UNC93A: variants seen among roughly 807,000 people sequenced by gnomAD.
UNC93A encodes N-acetylglucosamine transporter UNC93A.
UNC93A carries 43 observed loss-of-function variants against 47.5 expected under a neutral mutation model. The ratio of observed to expected loss-of-function variants is 0.91; its 90% CI spans 0.71 to 1.17. The LOEUF (loss-of-function observed/expected upper bound fraction) is 1.17, where lower values mean the gene tolerates loss of function less well. Ranked by LOEUF, UNC93A falls within the 50% of genes most tolerant of loss-of-function variation. UNC93A has a pLI of 0.00. For missense variants in UNC93A, 605 were observed against 577.6 expected (o/e 1.05, Z -0.49); for synonymous variants, 280 against 258.0 (o/e 1.09, Z -0.82).
At chr6:167,297,908 C>T (rs779061965) in intron 3 of UNC93A, 37 bp from the exon 4 acceptor site, 44 of 1,605,384 alleles carry the variant, frequency 2.7e-5, no homozygotes, top group South Asian at 1.1e-4. Flanking sequence ...TCACATTTGC[C>T]GTCATCTCAT....
intron 2 of UNC93A, among the ~76,000 whole-genome samples, chr6:167,295,328 C>T (rs758336905): frequency 9.9e-5 from 15 of 152,254 alleles, no homozygotes; most frequent in Non-Finnish European, 2.1e-4. Flanking sequence ...TGGCATGCCG[C>T]CGCTGAGGCC....
chr6:167,287,684 GGT>G (rs56769110), upstream of UNC93A, among the ~76,000 whole-genome samples: 263 of 150,694 alleles, frequency 1.7e-3, 2 homozygotes, highest in African/African-American at 6.2e-3. Context: ...AAATAAAAAG[GGT>G]GTGTGTGTGT....
upstream of UNC93A, among the ~76,000 whole-genome samples, chr6:167,286,381 A>T (rs2115096558): frequency 2.0e-5 from 3 of 152,370 alleles, no homozygotes; most frequent in Middle Eastern, 0.01. Context: ...ACCACTGAAA[A>T]GAGGCGGTCA....
intron 7 of UNC93A, among the ~76,000 whole-genome samples, 199 bp downstream of exon 7, chr6:167,308,109 A>G (rs1178556909): frequency 6.6e-6 from 1 of 152,176 alleles, no homozygotes; most frequent in Non-Finnish European, 1.5e-5. Flanking sequence ...TCATGATGCA[A>G]AACTGGAAAA....
chr6:167,299,294 C>T (rs182083950), intron 4 of UNC93A, among the ~76,000 whole-genome samples: 2 of 151,914 alleles, frequency 1.3e-5, no homozygotes, highest in African/African-American at 4.8e-5. Context: ...AAAGGCCTGG[C>T]ACCTGTGAGC....
chr6:167,300,561 C>A (rs1457407386), intron 4 of UNC93A, among the ~76,000 whole-genome samples: 1 of 152,130 alleles, frequency 6.6e-6, no homozygotes, highest in East Asian at 1.9e-4. Flanking sequence ...AAGGCCCAGA[C>A]TGAGGGTTTC....
intron 1 of UNC93A, among the ~76,000 whole-genome samples, chr6:167,282,834 A>G (rs73259194): frequency 0.019 from 2,915 of 152,314 alleles, 105 homozygotes; most frequent in African/African-American, 0.067. Context: ...GCATTGGTTC[A>G]GTCCTGAAAG....
chr6:167,280,399 G>A (rs1015511189), intron 1 of UNC93A, among the ~76,000 whole-genome samples: 1 of 152,148 alleles, frequency 6.6e-6, no homozygotes, highest in Non-Finnish European at 1.5e-5. Context: ...TTGCTGTTAA[G>A]GAATAGGCAC....
chr6:167,306,109 C>T (rs1778383840), intron 6 of UNC93A, 59 bp downstream of exon 6: 1 of 1,605,126 alleles, frequency 6.2e-7, no homozygotes, highest in African/African-American at 1.3e-5. Flanking sequence ...AGCAAAAGCG[C>T]ACAGCTCACA....
At chr6:167,299,799 G>C (rs1778189891) in intron 4 of UNC93A, among the ~76,000 whole-genome samples, 1 of 152,230 alleles carries the variant, frequency 6.6e-6, no homozygotes, top group Admixed American at 6.5e-5. Flanking sequence ...GAGCCCGCAG[G>C]GCTGGGGGCA....
At chr6:167,285,832 A>G (rs1562344185) in intron 1 of UNC93A, among the ~76,000 whole-genome samples, 4 of 151,548 alleles carry the variant, frequency 2.6e-5, no homozygotes, top group South Asian at 4.2e-4. Flanking sequence ...TAAATTAGAT[A>G]TTCTTCTTTA....
At chr6:167,303,842 T>C in intron 4 of UNC93A, 77 bp from the exon 5 acceptor site, 9 of 1,432,764 alleles carry the variant, frequency 6.3e-6, no homozygotes, top group Admixed American at 1.7e-5. Flanking sequence ...GGAGGATGAG[T>C]GACTGAAACA....
intron 1 of UNC93A, among the ~76,000 whole-genome samples, chr6:167,278,340 C>T (rs963999596): frequency 1.7e-4 from 26 of 152,158 alleles, no homozygotes; most frequent in African/African-American, 5.6e-4. Flanking sequence ...AAGGCCAACT[C>T]GGGTGTCCCC....
intron 2 of UNC93A, among the ~76,000 whole-genome samples, chr6:167,295,037 TGA>T (rs948464507): frequency 1.8e-4 from 27 of 152,070 alleles, no homozygotes; most frequent in African/African-American, 6.0e-4. Flanking sequence ...ATGCAGATGG[TGA>T]GTCTCGTGGG....
chr6:167,293,868 A>T (rs989780720), intron 1 of UNC93A, among the ~76,000 whole-genome samples: 2 of 151,714 alleles, frequency 1.3e-5, no homozygotes, highest in African/African-American at 4.8e-5. Context: ...CCTTCTCCCC[A>T]CCCTGCCCTG....
intron 7 of UNC93A, 39 bp from the exon 8 acceptor site, chr6:167,315,148 G>A (rs1412802739): frequency 3.1e-6 from 5 of 1,609,944 alleles, no homozygotes; most frequent in Non-Finnish European, 4.2e-6. Context: ...TCACTGTGGG[G>A]CCCATGGCAG....
chr6:167,304,956 C>T (rs1778339661), intron 5 of UNC93A, among the ~76,000 whole-genome samples: 1 of 152,312 alleles, frequency 6.6e-6, no homozygotes. Flanking sequence ...CACCTTCTCC[C>T]CTCAAGGTGA....
At chr6:167,302,729 T>A (rs1778277225) in intron 4 of UNC93A, among the ~76,000 whole-genome samples, 1 of 152,218 alleles carries the variant, frequency 6.6e-6, no homozygotes. Flanking sequence ...TTAAAATATT[T>A]TTTTGTATAG....
rs1449741821 is a variant in UNC93A at position 167,305,984 on chromosome 6, G to A, written c.910G>A (p.Ala304Thr). The change falls in exon 6 of 8, where the codon GCG becomes ACG. Residue 304 changes from alanine (A) to threonine (T), a missense_variant. Physicochemically the swap from Ala to Thr is moderately conservative, Grantham distance 58. Transcript: ENST00000230256. ...YVMICFSATD[A>T]LCSVLYGKVS... ...GATGATCTGCTTCTCGGCCACTGACGCGCTGTGCTCCGTGTTGTATGGAAA... is the reference window on the plus strand; with the variant it reads ...GATGATCTGCTTCTCGGCCACTGACACGCTGTGCTCCGTGTTGTATGGAAA... The A allele has an allele frequency of 6.2e-6, 10 of 1,614,194 alleles. No homozygotes were observed. Among genetic ancestry groups the A allele is most frequent in the South Asian group, 3.3e-5 (3 of 91,084 alleles).
Sources: allele counts gnomAD v4.1 joint callset (sites outside exome capture counted in the v4.1 genomes callset), GRCh38; gene constraint gnomAD v4.1.1; transcripts MANE v1.5; gene names NCBI Gene and HGNC (gene_info 2026-07-23, HGNC 2026-07-21).